DTWD2: variants seen among roughly 807,000 people sequenced by gnomAD.
The protein encoded by DTWD2 is tRNA-uridine aminocarboxypropyltransferase 2.
A neutral mutation model predicts 31.8 loss-of-function variants in DTWD2; 39 were observed. The ratio of observed to expected loss-of-function variants is 1.22; its 90% CI spans 0.95 to 1.60. The LOEUF (loss-of-function observed/expected upper bound fraction) is 1.60, where lower values mean the gene tolerates loss of function less well. DTWD2 is among the 40% of genes most tolerant of loss of function. The probability of loss-of-function intolerance (pLI) is 0.00; values close to 1 mark genes in which losing one functional copy is unlikely to be tolerated. For synonymous variants in DTWD2, 180 were observed against 142.8 expected (o/e 1.26, Z -1.86); for missense variants, 515 against 381.5 (o/e 1.35, Z -2.92).
At chr5:118,967,931 C>T (rs116782966) in intron 1 of DTWD2, among the ~76,000 whole-genome samples, 1 of 152,066 alleles carries the variant, frequency 6.6e-6, no homozygotes, top group Non-Finnish European at 1.5e-5. Flanking sequence ...ACAAAGGGAA[C>T]AGGAGTAACT....
At position 118,840,773 on chromosome 5, in the gene DTWD2, G is replaced by A. The variant is rs1751693047; in HGVS notation, c.*144C>T. The A allele has an allele frequency of 1.3e-6, 1 of 766,680 alleles. No homozygotes were observed. Among genetic ancestry groups the A allele is most frequent in the East Asian group, 3.3e-5 (1 of 30,360 alleles). 47.5% of individuals were successfully genotyped at this position (766,680 alleles called of 1,614,324 possible). On this transcript the variant is annotated 3_prime_UTR_variant, in exon 6 of 6. Transcript: ENST00000510708. ...TGTTTATTTGTATTTATGAATATTTGGTTTACTTCCTTCTTCTGGGTAAGA... is the reference window on the plus strand; with the variant it reads ...TGTTTATTTGTATTTATGAATATTTAGTTTACTTCCTTCTTCTGGGTAAGA...
intron 4 of DTWD2, among the ~76,000 whole-genome samples, chr5:118,921,675 G>A (rs1561456317): frequency 1.3e-5 from 2 of 152,104 alleles, no homozygotes; most frequent in African/African-American, 4.8e-5. Context: ...TTTTGCTGTG[G>A]CACTAATTTA....
chr5:118,941,563 T>G (rs1580424796), intron 2 of DTWD2, among the ~76,000 whole-genome samples: 1 of 152,266 alleles, frequency 6.6e-6, no homozygotes, highest in Admixed American at 6.5e-5. Flanking sequence ...CACATTTTCT[T>G]AATCCAGTCT....
rs188182184 is a variant in DTWD2 at position 118,971,031 on chromosome 5, T to C, written c.218+17263A>G. 4.6e-4 allele frequency among the ~76,000 whole-genome samples: 70 copies of C among 152,142 alleles called. No individual in the cohort carries two copies. The East Asian group carries it at 0.012, about 26-fold the overall frequency. On this transcript the variant is annotated intron_variant, in intron 1 of 5. Transcript: ENST00000510708. ...AAATCATTACCAGTCACTACATAAA[T>C]CCACTGAAGTACGCAAATCAGTGAC...
intron 4 of DTWD2, among the ~76,000 whole-genome samples, chr5:118,902,640 A>G (rs563452571): frequency 5.3e-5 from 8 of 152,182 alleles, no homozygotes; most frequent in African/African-American, 1.9e-4. Context: ...TTTTTTTTCA[A>G]TTACAACCAC....
intron 1 of DTWD2, among the ~76,000 whole-genome samples, chr5:118,952,619 A>G (rs371920942): frequency 5.3e-5 from 8 of 152,184 alleles, no homozygotes; most frequent in East Asian, 3.9e-4. Context: ...GGATGTAAAC[A>G]TGCAGGCTTG....
chr5:118,895,585 G>C (rs1281136825), intron 4 of DTWD2, among the ~76,000 whole-genome samples: 1 of 152,158 alleles, frequency 6.6e-6, no homozygotes, highest in Non-Finnish European at 1.5e-5. Flanking sequence ...CAAAGCTGAA[G>C]GCATCACATT....
rs1335071896 is a variant in DTWD2 at position 118,928,574 on chromosome 5, A to G, written c.560T>C (p.Ile187Thr). ...TCGGAACAAGGAGTTCTTATAGAAA[A>G]TGTCCTTAGCCTGGCTCCATGTACC... is the stretch of plus-strand genomic sequence containing the variant. ...IDGTWSQAKD[I>T]FYKNSLFRHP... Residue 187 changes from isoleucine (I) to threonine (T), a missense_variant, in exon 4 of 6, where the codon ATT (isoleucine) becomes ACT (threonine). Ile to Thr is a moderately conservative substitution (Grantham distance 89, BLOSUM62 -1). Coordinates refer to ENST00000510708, the MANE Select transcript of DTWD2 (RefSeq NM_173666.4). 2 of 1,532,378 alleles carry G rather than the reference A, an allele frequency of 1.3e-6. No individual in the cohort carries two copies. The highest frequency in any genetic ancestry group is 2.8e-5 in the South Asian group (2 of 70,900). The allele number at this position is 1,532,378 out of a possible 1,614,324, so 94.9% of individuals were successfully genotyped here.
chr5:118,968,697 A>G (rs1177585493), intron 1 of DTWD2, among the ~76,000 whole-genome samples: 1 of 152,228 alleles, frequency 6.6e-6, no homozygotes, highest in Admixed American at 6.5e-5. Context: ...GAGTCTCAAC[A>G]GAGTGGCTCT....
chr5:118,919,440 C>T (rs1324032582), intron 4 of DTWD2, among the ~76,000 whole-genome samples: 1 of 152,196 alleles, frequency 6.6e-6, no homozygotes. Flanking sequence ...TTTAGGTCTA[C>T]CACCTTTAGA....
chr5:118,878,025 T>C (rs1752660214), intron 4 of DTWD2, among the ~76,000 whole-genome samples: 1 of 152,118 alleles, frequency 6.6e-6, no homozygotes, highest in Non-Finnish European at 1.5e-5. Context: ...TACAAAACAC[T>C]GCTCAAAGAA....
chr5:118,890,293 A>G (rs934615663), intron 4 of DTWD2, among the ~76,000 whole-genome samples: 43 of 152,324 alleles, frequency 2.8e-4, no homozygotes, highest in African/African-American at 9.9e-4. Context: ...ACTAGGTACA[A>G]TAAAGTTCTA....
At chr5:118,865,995 CGTGTGTGTGT>C (rs3068505) in intron 4 of DTWD2, among the ~76,000 whole-genome samples, 2 of 146,718 alleles carry the variant, frequency 1.4e-5, no homozygotes, top group African/African-American at 2.5e-5. Context: ...CGTGTGTCTG[CGTGTGTGTGT>C]GTGTGTGTGT....
At chr5:118,850,272 T>C (rs1311034146) in intron 4 of DTWD2, among the ~76,000 whole-genome samples, 1 of 136,354 alleles carries the variant, frequency 7.3e-6, no homozygotes, top group African/African-American at 2.8e-5. Flanking sequence ...GAGACCAGCA[T>C]GGCTCACATG....
At chr5:118,919,720 G>T (rs1041864669) in intron 4 of DTWD2, among the ~76,000 whole-genome samples, 1 of 152,104 alleles carries the variant, frequency 6.6e-6, no homozygotes, top group South Asian at 2.1e-4. Flanking sequence ...CTACCACAAT[G>T]CTGTTTAAAC....
chr5:118,972,449 CAAT>C (rs1198050987), intron 1 of DTWD2, among the ~76,000 whole-genome samples: 2 of 152,130 alleles, frequency 1.3e-5, no homozygotes, highest in East Asian at 1.9e-4. Flanking sequence ...AATAGACCAA[CAAT>C]GAGTTCTGAA....
At chr5:118,932,434 T>C (rs558211294) in intron 3 of DTWD2, among the ~76,000 whole-genome samples, 7 of 150,106 alleles carry the variant, frequency 4.7e-5, no homozygotes, top group Middle Eastern at 3.4e-3. Context: ...AAGTTCAAAA[T>C]AGGAAGACAA....
intron 4 of DTWD2, among the ~76,000 whole-genome samples, chr5:118,898,282 T>A (rs1753125361): frequency 6.6e-6 from 1 of 152,168 alleles, no homozygotes; most frequent in Non-Finnish European, 1.5e-5. Context: ...CGTAATCATT[T>A]AATGGTCAGT....
At chr5:118,988,234 C>G in intron 1 of DTWD2, 60 bp downstream of exon 1, 1 of 1,526,678 alleles carries the variant, frequency 6.6e-7, no homozygotes, top group East Asian at 2.5e-5. Flanking sequence ...GCAGGGGGCG[C>G]CGCACCCTCC....
Sources: gnomAD v4.1 joint callset for allele counts (sites outside exome capture counted in the v4.1 genomes callset) on GRCh38, gnomAD v4.1.1 for gene constraint, MANE v1.5 for transcripts, NCBI Gene and HGNC (gene_info 2026-07-23, HGNC 2026-07-21) for gene names.